SHPRH: variants seen among roughly 807,000 people sequenced by gnomAD.
SHPRH encodes E3 ubiquitin-protein ligase SHPRH.
A neutral mutation model predicts 202.5 loss-of-function variants in SHPRH; 106 were observed. The observed-to-expected ratio is 0.52, with a 90% CI of 0.45 to 0.62. The LOEUF (loss-of-function observed/expected upper bound fraction) is 0.62, where lower values mean the gene tolerates loss of function less well. Among genes scored for constraint, SHPRH ranks in the 20% least tolerant of loss-of-function variants. SHPRH has a pLI of 0.00. For synonymous variants in SHPRH, 729 were observed against 686.0 expected, an observed-to-expected ratio of 1.06 and a Z score of -0.98; for missense variants, 1,710 against 2,020.0, an observed-to-expected ratio of 0.85 and a Z score of 2.94.
Position 145,935,115 on chromosome 6 carries a change from G to C in SHPRH, c.2782C>G (p.Pro928Ala). 6.2e-7 allele frequency: 1 copy of C among 1,613,526 alleles called. No individual in the cohort carries two copies. The highest frequency in any genetic ancestry group is 8.5e-7 in the Non-Finnish European group (1 of 1,179,920). ...CGGTGATAGAAATGCCTTTCCACTG[G>C]AGAAAAGTGGAGCCAGTGTATTTCT... Reference protein sequence around the residue: ...TEEIHWLHFSPVERHFYHRQH... With the variant: ...TEEIHWLHFSAVERHFYHRQH... Residue 928 changes from proline to alanine, a missense_variant, in exon 13 of 30, where the codon CCA becomes GCA. By Grantham distance (27) the Pro-to-Ala change is conservative. Coordinates refer to ENST00000275233, the MANE Select transcript of SHPRH (RefSeq NM_001042683.3).
At chr6:145,914,626 A>G (rs1783789817) in intron 23 of SHPRH, among the ~76,000 whole-genome samples, 1 of 152,164 alleles carries the variant, frequency 6.6e-6, no homozygotes, top group Non-Finnish European at 1.5e-5. Context: ...TCCTTAAGTT[A>G]AAGAAGTTAT....
chr6:145,867,043 T>C (rs1327613783), intron 2 of SHPRH, among the ~76,000 whole-genome samples: 1 of 152,174 alleles, frequency 6.6e-6, no homozygotes, highest in Non-Finnish European at 1.5e-5. Flanking sequence ...TAAAAACACT[T>C]CAGTTCCAGC....
chr6:145,885,963 A>C lies in SHPRH; in HGVS notation c.*728T>G, dbSNP rs572474438. ...TATAAAAACTTTAACAATAAGAAAA[A>C]TTAAGAGTAGGGAAAGCAGATAATT... is the stretch of plus-strand genomic sequence containing the variant. On this transcript the variant is annotated 3_prime_UTR_variant, in exon 30 of 30. Coordinates refer to ENST00000275233, the MANE Select transcript of SHPRH (RefSeq NM_001042683.3). 3 of 152,410 alleles carry C rather than the reference A, an allele frequency of 2.0e-5. No homozygotes were observed. The South Asian group carries it at 6.2e-4, about 32-fold the overall frequency. 9.4% of individuals were successfully genotyped at this position (152,410 alleles called of 1,614,324 possible). A position where few individuals can be genotyped will look rare whatever the true frequency, so the allele number is the denominator to read the frequency against.
At chr6:145,876,129 TAAAG>T (rs1780289744) in intron 2 of SHPRH, among the ~76,000 whole-genome samples, 1 of 152,200 alleles carries the variant, frequency 6.6e-6, no homozygotes, top group South Asian at 2.1e-4. Context: ...CATTACTCCA[TAAAG>T]AAACCCCATG....
At chr6:145,920,090 G>T (rs145558585) in intron 21 of SHPRH, among the ~76,000 whole-genome samples, 1 of 152,190 alleles carries the variant, frequency 6.6e-6, no homozygotes, top group Non-Finnish European at 1.5e-5. Flanking sequence ...GAAATTCACA[G>T]AAATGGTATC....
At chr6:145,918,332 T>TA (rs900792375) in intron 22 of SHPRH, 100 bp from the exon 23 acceptor site, 77 of 738,298 alleles carry the variant, frequency 1.0e-4, no homozygotes, top group South Asian at 2.0e-4. Flanking sequence ...GTATTGTTTT[T>TA]AAAAAAAACC....
chr6:145,869,728 C>T (rs1779965975), intron 2 of SHPRH, among the ~76,000 whole-genome samples: 1 of 151,672 alleles, frequency 6.6e-6, no homozygotes, highest in South Asian at 2.1e-4. Flanking sequence ...ATTACTATAG[C>T]TTTATAGTAA....
At chr6:145,930,660 A>G (rs1785342385) in intron 14 of SHPRH, among the ~76,000 whole-genome samples, 1 of 152,174 alleles carries the variant, frequency 6.6e-6, no homozygotes, top group Non-Finnish European at 1.5e-5. Flanking sequence ...CTTCATATAC[A>G]TTTAATGTGT....
chr6:145,879,039 CAGAT>C (rs1780433268), intron 2 of SHPRH, among the ~76,000 whole-genome samples: 1 of 152,082 alleles, frequency 6.6e-6, no homozygotes, highest in African/African-American at 2.4e-5. Context: ...AAATATGAAA[CAGAT>C]GGGAATAATA....
At position 145,930,878 on chromosome 6, in the gene SHPRH, T is replaced by C. The variant is rs189088256; in HGVS notation, c.3112+2179A>G. ...TAATTCTATCAGTTTTTAGTATTTA[T>C]TTTGAAACTCTTGTTTTAGGTACGT... On this transcript the variant is annotated intron_variant, in intron 14 of 29. Transcript: ENST00000275233. Among the ~76,000 whole-genome samples, 71 of 152,318 alleles carry C rather than the reference T, an allele frequency of 4.7e-4. No individual in the cohort carries two copies. The East Asian group carries it at 0.013, about 28-fold the overall frequency.
At chr6:145,957,441 A>C (rs898769032) in intron 1 of SHPRH, among the ~76,000 whole-genome samples, 8 of 152,186 alleles carry the variant, frequency 5.3e-5, no homozygotes, top group African/African-American at 1.9e-4. Flanking sequence ...ATGGGAGAAA[A>C]TATTAGCAAA....
At position 145,933,130 on chromosome 6, in the gene SHPRH, T is replaced by A. The variant is rs780693035; in HGVS notation, c.3039A>T (p.Gly1013=). The change falls in exon 14 of 30, where the codon GGA becomes GGT. Residue 1013 remains glycine, a synonymous_variant. Coordinates refer to ENST00000275233, the MANE Select transcript of SHPRH (RefSeq NM_001042683.3). ...ELLTSLQKKC[G]TECEEAHRQL... ...GTCGATGTGCTTCTTCACATTCAGT[T>A]CCACATTTCTTCTGCAAAGATGTCA... 3 of 1,614,000 alleles carry A rather than the reference T, an allele frequency of 1.9e-6. No individual in the cohort carries two copies. Among genetic ancestry groups the A allele is most frequent in the Non-Finnish European group, 2.5e-6 (3 of 1,179,934 alleles).
chr6:145,924,900 G>A, intron 16 of SHPRH, 54 bp from the exon 17 acceptor site: 7 of 1,419,616 alleles, frequency 4.9e-6, no homozygotes, highest in Non-Finnish European at 5.9e-6. Flanking sequence ...ATATAATTCA[G>A]TATGATGTTT....
chr6:145,873,459 A>G (rs900816657), intron 2 of SHPRH, among the ~76,000 whole-genome samples: 1 of 152,160 alleles, frequency 6.6e-6, no homozygotes, highest in South Asian at 2.1e-4. Flanking sequence ...CCAGTTAATA[A>G]GTTCACTTTA....
chr6:145,955,226 G>A lies in SHPRH; in HGVS notation c.97C>T (p.Pro33Ser), dbSNP rs567741352. Residue 33 changes from proline to serine, a missense_variant, in exon 2 of 30, where the codon CCT becomes TCT. Around this residue, in one of 8 missense-constraint regions of SHPRH, gnomAD observed 459 missense variants for 426.5 expected, o/e 1.08. Coordinates refer to ENST00000275233, the MANE Select transcript of SHPRH (RefSeq NM_001042683.3). Reference protein sequence around the residue: ...WNMHEDRRNEPIIISDDDEQP... With the variant: ...WNMHEDRRNESIIISDDDEQP... ...TCGTCATCATCACTTATGATGATAGGTTCATTCCTTCTGTCCTCATGCATA... is the reference window on the plus strand; with the variant it reads ...TCGTCATCATCACTTATGATGATAGATTCATTCCTTCTGTCCTCATGCATA... 1.2e-6 allele frequency: 2 copies of A among 1,613,510 alleles called. No individual in the cohort carries two copies. Among genetic ancestry groups the A allele is most frequent in the South Asian group, 2.2e-5 (2 of 91,074 alleles).
chr6:145,862,803 C>T (rs916618730), downstream of SHPRH: 4 of 152,014 alleles, frequency 2.6e-5, no homozygotes, highest in Non-Finnish European at 4.4e-5. Flanking sequence ...GGGTATAATC[C>T]TTATTTTCCT....
chr6:145,952,821 G>A (rs915475283), intron 2 of SHPRH, among the ~76,000 whole-genome samples: 4 of 151,996 alleles, frequency 2.6e-5, no homozygotes, highest in Non-Finnish European at 5.9e-5. Flanking sequence ...TAAAAATGCC[G>A]ATTTCCCCAG....
downstream of SHPRH, among the ~76,000 whole-genome samples, chr6:145,863,057 T>C (rs1562265737): frequency 6.6e-6 from 1 of 152,242 alleles, no homozygotes; most frequent in African/African-American, 2.4e-5. Context: ...AAGGATATCA[T>C]GTATTGAACA....
intron 11 of SHPRH, among the ~76,000 whole-genome samples, chr6:145,936,770 T>C (rs1786114683): frequency 1.3e-5 from 2 of 152,172 alleles, no homozygotes; most frequent in Admixed American, 1.3e-4. Flanking sequence ...AATATTTAGA[T>C]TGAATTAAGT....
Sources: gnomAD v4.1 joint callset for allele counts (sites outside exome capture counted in the v4.1 genomes callset) on GRCh38, gnomAD v4.1.1 for gene constraint, gnomAD v4.1.1 regional missense constraint, MANE v1.5 for transcripts, NCBI Gene and HGNC (gene_info 2026-07-23, HGNC 2026-07-21) for gene names.